Variants in LRBA observed in about 807,000 individuals in gnomAD.
LRBA encodes lipopolysaccharide-responsive and beige-like anchor protein.
Under a neutral mutation model 330.0 loss-of-function variants are expected in LRBA, and 176 were observed. That is an observed-to-expected ratio of 0.53 (90% CI 0.47 to 0.60). The LOEUF (loss-of-function observed/expected upper bound fraction) is 0.60, where lower values mean the gene tolerates loss of function less well. Among genes scored for constraint, LRBA ranks in the 20% least tolerant of loss-of-function variants. The pLI is 0.00. For synonymous variants in LRBA, 1,230 were observed against 1,193.0 expected (o/e 1.03, Z -0.64); for missense variants, 3,259 against 3,444.8 (o/e 0.95, Z 1.35).
intron 16 of LRBA, among the ~76,000 whole-genome samples, chr4:150,896,131 G>A (rs1159758915): frequency 2.6e-5 from 4 of 152,052 alleles, no homozygotes; most frequent in South Asian, 4.1e-4. Context: ...TACACTGAAA[G>A]TATGCTTTGG....
intron 37 of LRBA, among the ~76,000 whole-genome samples, chr4:150,609,647 G>T (rs1343076251): frequency 1.3e-5 from 2 of 152,204 alleles, no homozygotes; most frequent in Non-Finnish European, 2.9e-5. Flanking sequence ...TTTGATTACA[G>T]TGGCTGGAAG....
chr4:150,373,961 C>A (rs936547039), intron 47 of LRBA, among the ~76,000 whole-genome samples: 1 of 152,144 alleles, frequency 6.6e-6, no homozygotes, highest in Non-Finnish European at 1.5e-5. Flanking sequence ...ATTATCTGCT[C>A]CAGATTCTGC....
chr4:150,492,299 GGA>G (rs1581476884), intron 40 of LRBA, among the ~76,000 whole-genome samples: 1 of 151,954 alleles, frequency 6.6e-6, no homozygotes, highest in East Asian at 1.9e-4. Flanking sequence ...TAACTCTAAG[GGA>G]GAGTGTTTCT....
chr4:150,657,602 A>G (rs62346260), intron 37 of LRBA, among the ~76,000 whole-genome samples: 3,192 of 152,152 alleles, frequency 0.021, 52 homozygotes, highest in Non-Finnish European at 0.031. Context: ...AAAAAAATAC[A>G]AGAATTCATA....
At chr4:150,634,024 A>G (rs1581871226) in intron 37 of LRBA, among the ~76,000 whole-genome samples, 2 of 152,158 alleles carry the variant, frequency 1.3e-5, no homozygotes, top group African/African-American at 4.8e-5. Context: ...CTGAGCCAGG[A>G]AAATCACCTG....
intron 2 of LRBA, among the ~76,000 whole-genome samples, chr4:150,952,628 T>C (rs1478569185): frequency 6.6e-6 from 1 of 152,054 alleles, no homozygotes. Context: ...AGGCCGTCTG[T>C]TTCTCTCTCT....
At chr4:150,504,136 G>A (rs1458446276) in intron 40 of LRBA, among the ~76,000 whole-genome samples, 1 of 152,162 alleles carries the variant, frequency 6.6e-6, no homozygotes, top group Non-Finnish European at 1.5e-5. Flanking sequence ...TGAAAGTGAT[G>A]GGCAGAATGG....
At chr4:150,908,973 T>C (rs1334830132) in intron 9 of LRBA, 116 bp from the exon 10 acceptor site, 1 of 641,800 alleles carries the variant, frequency 1.6e-6, no homozygotes, top group African/African-American at 1.8e-5. Flanking sequence ...AACAGTATTA[T>C]ATAAGAGGAC....
chr4:150,375,341 A>AT (rs1394161485), intron 47 of LRBA, among the ~76,000 whole-genome samples: 4 of 152,158 alleles, frequency 2.6e-5, no homozygotes, highest in African/African-American at 9.7e-5. Context: ...ATGCTGGAGG[A>AT]TAATCAGAAC....
At chr4:150,943,875 G>A (rs1277862634) in intron 2 of LRBA, among the ~76,000 whole-genome samples, 1 of 152,148 alleles carries the variant, frequency 6.6e-6, no homozygotes, top group African/African-American at 2.4e-5. Flanking sequence ...TACGAAGTTA[G>A]GTCATTAGAG....
intron 41 of LRBA, among the ~76,000 whole-genome samples, chr4:150,489,054 TAA>T (rs1180911611): frequency 8.8e-6 from 1 of 113,522 alleles, no homozygotes; most frequent in African/African-American, 3.6e-5. Context: ...ATATTATATA[TAA>T]GAATATATAA....
chr4:150,476,705 G>A (rs1398590733), intron 42 of LRBA, among the ~76,000 whole-genome samples: 1 of 152,204 alleles, frequency 6.6e-6, no homozygotes, highest in Non-Finnish European at 1.5e-5. Flanking sequence ...ACAAGTGATA[G>A]GGTTAGGCAA....
At chr4:150,485,641 G>C (rs1757789589) in intron 42 of LRBA, among the ~76,000 whole-genome samples, 1 of 151,830 alleles carries the variant, frequency 6.6e-6, no homozygotes, top group African/African-American at 2.4e-5. Context: ...AAGGAGACCG[G>C]CCTGGAACAG....
At chr4:150,660,498 C>CT (rs1320202978) in intron 37 of LRBA, among the ~76,000 whole-genome samples, 41 of 150,882 alleles carry the variant, frequency 2.7e-4, no homozygotes, top group African/African-American at 9.7e-4. Context: ...CAGCCCCCCC[C>CT]GCCCGGCCAG....
At chr4:150,381,917 T>C (rs1323590929) in intron 47 of LRBA, among the ~76,000 whole-genome samples, 1 of 152,248 alleles carries the variant, frequency 6.6e-6, no homozygotes, top group Non-Finnish European at 1.5e-5. Flanking sequence ...CTACTAATGT[T>C]AACATATTTT....
intron 8 of LRBA, among the ~76,000 whole-genome samples, chr4:150,914,739 A>G (rs1195676336): frequency 6.6e-6 from 1 of 152,208 alleles, no homozygotes; most frequent in Non-Finnish European, 1.5e-5. Flanking sequence ...AGCACTCAGT[A>G]AAAGTTAATG....
At chr4:150,879,692 T>C (rs1050165341) in intron 17 of LRBA, among the ~76,000 whole-genome samples, 3 of 152,172 alleles carry the variant, frequency 2.0e-5, no homozygotes, top group African/African-American at 7.2e-5. Flanking sequence ...AATTGATGTA[T>C]AAAAATCAGT....
chr4:150,388,659 G>T (rs1743432685), intron 47 of LRBA, among the ~76,000 whole-genome samples: 1 of 152,132 alleles, frequency 6.6e-6, no homozygotes, highest in African/African-American at 2.4e-5. Context: ...TTAAAAGCCT[G>T]TTGGGAGCAT....
At chr4:150,695,320 T>TTTTTG (rs1189340163) in intron 36 of LRBA, among the ~76,000 whole-genome samples, 5 of 152,070 alleles carry the variant, frequency 3.3e-5, no homozygotes, top group African/African-American at 1.2e-4. Flanking sequence ...TCGACCAAAT[T>TTTTTG]TTTTGTTTTG....
Sources: gnomAD v4.1 joint callset for allele counts (sites outside exome capture counted in the v4.1 genomes callset) on GRCh38, gnomAD v4.1.1 for gene constraint, MANE v1.5 for transcripts, NCBI Gene and HGNC (gene_info 2026-07-23, HGNC 2026-07-21) for gene names.